ANKFY1: variants seen among roughly 807,000 people sequenced by gnomAD.
The protein encoded by ANKFY1 is ankyrin repeat and FYVE domain-containing protein 1.
A neutral mutation model predicts 128.3 loss-of-function variants in ANKFY1; 47 were observed. That is an observed-to-expected ratio of 0.37 (90% CI 0.29 to 0.47). The LOEUF is 0.47. Among genes scored for constraint, ANKFY1 ranks in the 20% least tolerant of loss-of-function variants. The pLI is 1.00. For synonymous variants in ANKFY1, 553 were observed against 601.6 expected (o/e 0.92, Z 1.18); for missense variants, 1,222 against 1,510.6 (o/e 0.81, Z 3.17).
intron 1 of ANKFY1, among the ~76,000 whole-genome samples, chr17:4,252,379 A>T (rs1967884565): frequency 6.6e-6 from 1 of 152,120 alleles, no homozygotes; most frequent in South Asian, 2.1e-4. Flanking sequence ...ACAGCTGGGC[A>T]ACAGAGTGAG....
intron 8 of ANKFY1, among the ~76,000 whole-genome samples, chr17:4,195,875 C>T (rs1170834603): frequency 1.3e-5 from 2 of 152,034 alleles, no homozygotes; most frequent in African/African-American, 2.4e-5. Context: ...AGAGCAGCAA[C>T]AGGAAAGAAC....
rs778347533 is a variant in ANKFY1, at chr17:4,189,491, T to C, written c.1373-12A>G. On this transcript the variant is annotated splice_polypyrimidine_tract_variant and intron_variant, in intron 10 of 24. Transcript: ENST00000341657. ...TAGTAAACAGTTTCCTAAAAGAAAA[T>C]GGGCATTGCTGATTCTTCTGTTTGC... The C allele has an allele frequency of 5.1e-6, 8 of 1,561,778 alleles. No homozygotes were observed. Among genetic ancestry groups the C allele is most frequent in the East Asian group, 4.7e-5 (2 of 42,620 alleles).
chr17:4,184,948 T>C lies in ANKFY1; in HGVS notation c.1569A>G (p.Glu523=). 1 of 1,614,078 alleles carries C rather than the reference T, an allele frequency of 6.2e-7. No individual in the cohort carries two copies. The highest frequency in any genetic ancestry group is 8.5e-7 in the Non-Finnish European group (1 of 1,180,038). Residue 523 remains glutamate, a synonymous_variant, in exon 12 of 25, where the codon GAA becomes GAG. Coordinates refer to ENST00000341657, the MANE Select transcript of ANKFY1 (RefSeq NM_001330063.2). The part of the protein sequence containing the change: ...QGANPNLQTE[E]ALPLPKEAAS... ...CGGCCTCCTTTGGCAGAGGCAGAGC[T>C]TCCTCCGTCTGCAGGTTTGGGTTGG... is the stretch of plus-strand genomic sequence containing the variant.
chr17:4,223,381 G>A, intron 3 of ANKFY1: 5 of 1,587,706 alleles, frequency 3.1e-6, no homozygotes, highest in Non-Finnish European at 4.3e-6. Flanking sequence ...CCTGTGGAAT[G>A]AGCTACCTGG....
intron 19 of ANKFY1, 77 bp from the exon 20 acceptor site, chr17:4,174,133 G>C: frequency 3.3e-6 from 5 of 1,533,726 alleles, no homozygotes; most frequent in Non-Finnish European, 4.4e-6. Context: ...GAGCCTGCTT[G>C]TCTTCTGACA....
chr17:4,170,031 A>G (rs1456876624), intron 23 of ANKFY1, among the ~76,000 whole-genome samples: 1 of 152,192 alleles, frequency 6.6e-6, no homozygotes, highest in East Asian at 1.9e-4. Context: ...TGAGCTTTTC[A>G]AAGGCCAAGT....
chr17:4,181,780 G>C lies in ANKFY1; in HGVS notation c.2121+401C>G, dbSNP rs2059521098. On this transcript the variant is annotated intron_variant, in intron 15 of 24. Transcript: ENST00000341657. The surrounding 1 kb of genome is among the most constrained non-coding windows in gnomAD (Gnocchi z 4.9). ...CACAACGCCTTCATATCACACTGCA[G>C]GCCCTTCGGAGAGCTGAATGAGAAT... Among the ~76,000 whole-genome samples, 1 of 152,164 alleles carries C rather than the reference G, an allele frequency of 6.6e-6. No individual in the cohort carries two copies. Among genetic ancestry groups the C allele is most frequent in the African/African-American group, 2.4e-5 (1 of 41,432 alleles).
At chr17:4,193,247 C>T (rs529591990) in intron 10 of ANKFY1, among the ~76,000 whole-genome samples, 1 of 152,134 alleles carries the variant, frequency 6.6e-6, no homozygotes, top group East Asian at 1.9e-4. Context: ...GTCTAACATT[C>T]AAGCCTTTTG....
At chr17:4,222,378 G>A in intron 3 of ANKFY1, 2 of 784,164 alleles carry the variant, frequency 2.6e-6, no homozygotes, top group Non-Finnish European at 4.7e-6. Flanking sequence ...CCTTTAATCT[G>A]TTAGTACCCA....
In ANKFY1 at chr17:4,259,083, C is replaced by T. The variant is rs145406476; in HGVS notation, c.10+4849G>A. Among the ~76,000 whole-genome samples, 21 of 152,236 alleles carry T rather than the reference C, an allele frequency of 1.4e-4. No homozygotes were observed. In the East Asian group the frequency reaches 2.9e-3, roughly 21 times the overall value. On this transcript the variant is annotated intron_variant, in intron 1 of 24. Transcript: ENST00000341657. ...CAGTCGCTGTGGAAGAAACATTAGG[C>T]GCTGTGGAAAAAGGCTCTTCCTGCA...
rs113579616 is a variant in ANKFY1, at chr17:4,247,313, C to T, written c.11-4865G>A. On this transcript the variant is annotated intron_variant, in intron 1 of 24. Coordinates refer to ENST00000341657, the MANE Select transcript of ANKFY1 (RefSeq NM_001330063.2). ...AATTCCAAAATCTACAGCAACAGCC[C>T]CAGTCTCTCTACAGAATTCCTGATT... is the stretch of plus-strand genomic sequence containing the variant. Among the ~76,000 whole-genome samples the T allele has an allele frequency of 2.1e-3, 316 of 152,150 alleles. 1 individual carries two copies. The highest frequency in any genetic ancestry group is 7.3e-3 in the African/African-American group (302 of 41,494).
chr17:4,194,026 A>AGGATTACAGGTGTGAGCTACCATGCTTTG (rs1373199048), intron 10 of ANKFY1, among the ~76,000 whole-genome samples: 2 of 148,982 alleles, frequency 1.3e-5, no homozygotes, highest in Non-Finnish European at 3.0e-5. Flanking sequence ...CCAAAGTGCT[A>AGGATTACAGGTGTGAGCTACCATGCTTTG]GGATTACAGG....
chr17:4,165,184 C>T lies in ANKFY1; in HGVS notation c.*2595G>A, dbSNP rs767807541. 6 of 152,126 alleles carry T rather than the reference C, an allele frequency of 3.9e-5. No homozygotes were observed. The highest frequency in any genetic ancestry group is 2.1e-4 in the South Asian group (1 of 4,834). 9.4% of individuals were successfully genotyped at this position (152,126 alleles called of 1,614,324 possible). A position where few individuals can be genotyped will look rare whatever the true frequency, so the allele number is the denominator to read the frequency against. On this transcript the variant is annotated 3_prime_UTR_variant, in exon 25 of 25. Transcript: ENST00000341657. ...GTCCGTACCTTTGTTTTAAAAACAA[C>T]GACAACAAAAGACTGTTAGGAATAC...
intron 3 of ANKFY1, among the ~76,000 whole-genome samples, chr17:4,226,208 T>C (rs1444586923): frequency 1.3e-5 from 2 of 152,196 alleles, no homozygotes; most frequent in Admixed American, 1.3e-4. Flanking sequence ...TTATAGATGT[T>C]ACCACTCTCC....
intron 19 of ANKFY1, among the ~76,000 whole-genome samples, chr17:4,175,847 A>T (rs569741690): frequency 1.3e-5 from 2 of 152,320 alleles, no homozygotes; most frequent in East Asian, 3.9e-4. Context: ...AACAGGATGC[A>T]GCATCAATTC....
At chr17:4,197,245 C>T in intron 8 of ANKFY1, 128 bp downstream of exon 8, 1 of 971,110 alleles carries the variant, frequency 1.0e-6, no homozygotes, top group Non-Finnish European at 1.6e-6. Flanking sequence ...ATGTCTGTGA[C>T]TTTAATGAAA....
intron 3 of ANKFY1, among the ~76,000 whole-genome samples, chr17:4,232,560 G>A (rs889961948): frequency 6.6e-5 from 10 of 152,172 alleles, no homozygotes; most frequent in African/African-American, 1.4e-4. Context: ...ACTTTGAAGC[G>A]GATCACTCCT....
chr17:4,235,021 T>G (rs1173118524), intron 3 of ANKFY1, among the ~76,000 whole-genome samples: 1 of 152,148 alleles, frequency 6.6e-6, no homozygotes, highest in Admixed American at 6.5e-5. Context: ...TCAGAGTAAC[T>G]ATTCTGAGTT....
chr17:4,203,451 C>A (rs1004199454), intron 7 of ANKFY1, among the ~76,000 whole-genome samples: 1 of 152,124 alleles, frequency 6.6e-6, no homozygotes, highest in African/African-American at 2.4e-5. Context: ...TTAATACAAA[C>A]CATATTTCAT....
Sources: allele counts gnomAD v4.1 joint callset (sites outside exome capture counted in the v4.1 genomes callset), GRCh38; gene constraint gnomAD v4.1.1; non-coding constraint Gnocchi (gnomAD v3.1); transcripts MANE v1.5; gene names NCBI Gene and HGNC (gene_info 2026-07-23, HGNC 2026-07-21).